FRAS1: variants seen among roughly 807,000 people sequenced by gnomAD.
FRAS1 encodes extracellular matrix organizing protein FRAS1.
FRAS1 carries 290 observed loss-of-function variants against 435.2 expected under a neutral mutation model. The ratio of observed to expected loss-of-function variants is 0.67; its 90% CI spans 0.61 to 0.73. FRAS1 has a LOEUF of 0.73. Ranked by LOEUF, FRAS1 falls within the 30% of genes least tolerant of loss-of-function variation. FRAS1 has a pLI of 0.00. For missense variants in FRAS1, 4,860 were observed against 5,001.5 expected, an observed-to-expected ratio of 0.97 and a Z score of 0.85; for synonymous variants, 1,800 against 1,851.0, an observed-to-expected ratio of 0.97 and a Z score of 0.71.
At chr4:78,079,584 G>T (rs567896074) in intron 2 of FRAS1, among the ~76,000 whole-genome samples, 1 of 152,110 alleles carries the variant, frequency 6.6e-6, no homozygotes, top group South Asian at 2.1e-4. Context: ...GTATATATGC[G>T]TTCACATGAT....
chr4:78,523,116 T>G (rs11736504), intron 69 of FRAS1, among the ~76,000 whole-genome samples: 21,188 of 151,868 alleles, frequency 0.14, 1,778 homozygotes, highest in Non-Finnish European at 0.2. Context: ...TTAAAAGAAA[T>G]GACATTCTAG....
chr4:78,464,105 C>T lies in FRAS1; in HGVS notation c.6848C>T (p.Ser2283Leu). The change falls in exon 48 of 74, where the codon TCA becomes TTA. Residue 2283 changes from serine (S) to leucine (L), a missense_variant. Coordinates refer to ENST00000512123, the MANE Select transcript of FRAS1 (RefSeq NM_025074.7). ...YVHSSEAEKH[S>L]DAFSFTLSDG... ...CATTCTAGTGAGGCTGAGAAACATT[C>T]AGATGCCTTCAGCTTTACACTGTCT... The T allele has an allele frequency of 6.2e-7, 1 of 1,613,590 alleles. No individual in the cohort carries two copies. Among genetic ancestry groups the T allele is most frequent in the Non-Finnish European group, 8.5e-7 (1 of 1,179,792 alleles).
chr4:78,491,864 T>C (rs1578355895), intron 59 of FRAS1, among the ~76,000 whole-genome samples: 1 of 152,284 alleles, frequency 6.6e-6, no homozygotes, highest in East Asian at 1.9e-4. Flanking sequence ...AGTCAAATTG[T>C]CTCTGTTTGC....
In FRAS1 at chr4:78,458,785, A is replaced by G. The variant is rs548086687; in HGVS notation, c.6764-5236A>G. ...CAGATTGAATAAGATCAAATACTTG[A>G]TCTTAATGTCATCCACCATTTTATC... On this transcript the variant is annotated intron_variant, in intron 47 of 73. Transcript: ENST00000512123. Among the ~76,000 whole-genome samples the G allele has an allele frequency of 9.2e-5, 14 of 152,296 alleles. No individual in the cohort carries two copies. In the South Asian group the frequency reaches 2.9e-3, roughly 32 times the overall value.
At chr4:78,461,704 T>C (rs1237106510) in intron 47 of FRAS1, among the ~76,000 whole-genome samples, 1 of 152,118 alleles carries the variant, frequency 6.6e-6, no homozygotes, top group Non-Finnish European at 1.5e-5. Flanking sequence ...TCCTGAAAAA[T>C]TAAGCATACA....
chr4:78,396,687 G>A (rs530084497), intron 29 of FRAS1, among the ~76,000 whole-genome samples: 1 of 152,096 alleles, frequency 6.6e-6, no homozygotes, highest in Non-Finnish European at 1.5e-5. Flanking sequence ...CCATAAGTTC[G>A]GTAAACTTTG....
At chr4:78,394,254 T>C (rs1732562888) in intron 29 of FRAS1, among the ~76,000 whole-genome samples, 1 of 152,006 alleles carries the variant, frequency 6.6e-6, no homozygotes, top group African/African-American at 2.4e-5. Flanking sequence ...TTATTTCCCG[T>C]GATTTCAATG....
At chr4:78,357,828 G>T (rs536327105) in intron 20 of FRAS1, among the ~76,000 whole-genome samples, 1 of 152,148 alleles carries the variant, frequency 6.6e-6, no homozygotes, top group African/African-American at 2.4e-5. Context: ...CTGGAGCCCC[G>T]AGTTCAAGGT....
At chr4:78,157,966 A>C (rs1471850190) in intron 2 of FRAS1, among the ~76,000 whole-genome samples, 1 of 152,112 alleles carries the variant, frequency 6.6e-6, no homozygotes, top group African/African-American at 2.4e-5. Context: ...ACTTTGTTGA[A>C]TATAAGTTGG....
intron 45 of FRAS1, among the ~76,000 whole-genome samples, chr4:78,450,905 T>C (rs1718997931): frequency 2.6e-5 from 4 of 152,130 alleles, no homozygotes. Flanking sequence ...AAAAAAGTTA[T>C]ATATTGGGGA....
intron 2 of FRAS1, among the ~76,000 whole-genome samples, chr4:78,112,832 A>T: frequency 6.6e-6 from 1 of 150,958 alleles, no homozygotes; most frequent in African/African-American, 2.4e-5. Flanking sequence ...TTATTTATTC[A>T]TTTTTTTATT....
rs141063284 is a variant in FRAS1, at chr4:78,286,533, T to C, written c.1528T>C (p.Cys510Arg). ...CGGCTTCTACCAAGATCGCCATTCC[T>C]GTGCAGGTAATCTCTGGCTGGGCCA... ...GDGFYQDRHS[C>R]AVCHESCAGC... The change falls in exon 14 of 74, where the codon TGT (cysteine) becomes CGT (arginine). Residue 510 changes from cysteine (C) to arginine (R), a missense_variant. Transcript: ENST00000512123. 3.4e-5 allele frequency: 55 copies of C among 1,612,206 alleles called. 1 individual carries two copies. In the East Asian group the frequency reaches 1.2e-3, roughly 35 times the overall value.
intron 22 of FRAS1, among the ~76,000 whole-genome samples, chr4:78,368,525 G>A (rs1018612869): frequency 1.3e-5 from 2 of 151,994 alleles, no homozygotes; most frequent in South Asian, 4.1e-4. Flanking sequence ...CTTTTATGTA[G>A]CAAGTGTTCA....
chr4:78,515,793 T>C lies in FRAS1; in HGVS notation c.10175-6T>C, dbSNP rs764482958. The C allele has an allele frequency of 2.5e-6, 4 of 1,613,276 alleles. No homozygotes were observed. The South Asian group carries it at 3.3e-5, about 13-fold the overall frequency. On this transcript the variant is annotated splice_polypyrimidine_tract_variant and splice_region_variant and intron_variant, in intron 65 of 73. Coordinates refer to ENST00000512123, the MANE Select transcript of FRAS1 (RefSeq NM_025074.7). ...TTATCGTTCCTTGTTCTTCCCTCCC[T>C]GGCAGAGGCAGGGTTCCTGGATGAT...
chr4:78,450,690 C>G (rs886333418), intron 45 of FRAS1, among the ~76,000 whole-genome samples: 2 of 152,038 alleles, frequency 1.3e-5, no homozygotes, highest in South Asian at 4.2e-4. Flanking sequence ...ATTATGCCTT[C>G]CTTAGGTGAG....
chr4:78,482,247 A>G, intron 57 of FRAS1, 141 bp from the exon 58 acceptor site: 1 of 951,908 alleles, frequency 1.1e-6, no homozygotes, highest in Non-Finnish European at 1.6e-6. Context: ...GGCATGTAAT[A>G]AAGAGATCAT....
chr4:78,504,630 A>G (rs912821180), intron 61 of FRAS1, among the ~76,000 whole-genome samples: 1 of 152,052 alleles, frequency 6.6e-6, no homozygotes, highest in Non-Finnish European at 1.5e-5. Context: ...TGCATGTGAG[A>G]TGGATCTCCT....
chr4:78,125,571 C>CT (rs551744110), intron 2 of FRAS1, among the ~76,000 whole-genome samples: 63 of 152,216 alleles, frequency 4.1e-4, no homozygotes, highest in African/African-American at 1.4e-3. Flanking sequence ...GTTGATCTGT[C>CT]TTTTTTGTTG....
At chr4:78,380,058 C>A in intron 27 of FRAS1, 62 bp downstream of exon 27, 1 of 1,552,512 alleles carries the variant, frequency 6.4e-7, no homozygotes, top group Non-Finnish European at 8.7e-7. Context: ...TCCACTCCTC[C>A]ACCCTGTCCC....
Sources: gnomAD v4.1 joint callset for allele counts (sites outside exome capture counted in the v4.1 genomes callset) on GRCh38, gnomAD v4.1.1 for gene constraint, MANE v1.5 for transcripts, NCBI Gene and HGNC (gene_info 2026-07-23, HGNC 2026-07-21) for gene names.